ATR: variants seen among roughly 807,000 people sequenced by gnomAD.
The protein encoded by ATR is serine/threonine-protein kinase ATR.
A neutral mutation model predicts 305.3 loss-of-function variants in ATR; 142 were observed. The ratio of observed to expected loss-of-function variants is 0.47; its 90% CI spans 0.41 to 0.53. ATR has a LOEUF of 0.53. Among genes scored for constraint, ATR ranks in the 20% least tolerant of loss-of-function variants. The pLI is 0.00. For missense variants in ATR, 2,135 were observed against 3,133.1 expected (o/e 0.68, Z 7.60); for synonymous variants, 1,050 against 1,068.1 (o/e 0.98, Z 0.33).
rs982977529 is a variant in ATR at position 142,485,092 on chromosome 3, A to G, written c.6221+48T>C. The stretch of plus-strand genomic sequence containing the variant: ...ATGTGATAACAGTTTCAATATTAAT[A>G]GTCATCCTTACATATTTAATCTGCA... On this transcript the variant is annotated intron_variant, in intron 36 of 46. Coordinates refer to ENST00000350721, the MANE Select transcript of ATR (RefSeq NM_001184.4). 3 of 1,605,352 alleles carry G rather than the reference A, an allele frequency of 1.9e-6. No individual in the cohort carries two copies. The Admixed American group carries it at 5.0e-5, about 27-fold the overall frequency.
intron 21 of ATR, among the ~76,000 whole-genome samples, chr3:142,528,093 T>C (rs2033472503): frequency 6.6e-6 from 1 of 152,226 alleles, no homozygotes; most frequent in Admixed American, 6.5e-5. Context: ...ATTCAGTTTG[T>C]AGTACTTTGT....
intron 35 of ATR, among the ~76,000 whole-genome samples, chr3:142,491,797 T>C (rs905053193): frequency 2.6e-5 from 4 of 152,222 alleles, no homozygotes; most frequent in African/African-American, 7.2e-5. Context: ...CTTTGGCTGT[T>C]GGTCCCATTT....
At chr3:142,534,765 A>C (rs2033792292) in intron 21 of ATR, among the ~76,000 whole-genome samples, 1 of 152,210 alleles carries the variant, frequency 6.6e-6, no homozygotes, top group African/African-American at 2.4e-5. Flanking sequence ...TATCCATAGG[A>C]AATATGTGAG....
At chr3:142,578,385 G>C (rs1032849505) in intron 1 of ATR, among the ~76,000 whole-genome samples, 3 of 152,222 alleles carry the variant, frequency 2.0e-5, no homozygotes, top group African/African-American at 7.2e-5. Flanking sequence ...TCTCGATCGG[G>C]GTGAGTGGTA....
chr3:142,518,875 CG>C (rs1281293994), intron 24 of ATR, among the ~76,000 whole-genome samples: 1 of 151,854 alleles, frequency 6.6e-6, no homozygotes, highest in Non-Finnish European at 1.5e-5. Context: ...TTGCATATTT[CG>C]TCAGTCCTAA....
intron 17 of ATR, among the ~76,000 whole-genome samples, chr3:142,541,328 T>TATAATGC (rs2034045785): frequency 6.6e-6 from 1 of 152,182 alleles, no homozygotes; most frequent in African/African-American, 2.4e-5. Context: ...TTATTAAAGG[T>TATAATGC]ATAATGCATA....
intron 1 of ATR, among the ~76,000 whole-genome samples, chr3:142,568,647 C>G (rs756500367): frequency 6.6e-6 from 1 of 152,202 alleles, no homozygotes; most frequent in Non-Finnish European, 1.5e-5. Context: ...GCCGCCCAAC[C>G]ACGGCTGCAA....
At chr3:142,471,104 G>T (rs944235030) in intron 36 of ATR, among the ~76,000 whole-genome samples, 1 of 151,800 alleles carries the variant, frequency 6.6e-6, no homozygotes, top group Non-Finnish European at 1.5e-5. Context: ...GTAACTTCCC[G>T]TCTCCTTCCC....
chr3:142,496,555 C>T (rs1291080137), intron 33 of ATR, 35 bp from the exon 34 acceptor site: 3 of 1,591,364 alleles, frequency 1.9e-6, no homozygotes, highest in East Asian at 2.3e-5. Flanking sequence ...TGAGAGAGAC[C>T]ATTGGTAAGT....
intron 45 of ATR, among the ~76,000 whole-genome samples, chr3:142,456,643 A>G (rs778831707): frequency 1.3e-5 from 2 of 152,204 alleles, no homozygotes; most frequent in Non-Finnish European, 2.9e-5. Context: ...CATTTGTCCA[A>G]AGATGATCTA....
chr3:142,483,140 G>C, intron 36 of ATR, among the ~76,000 whole-genome samples: 1 of 150,408 alleles, frequency 6.6e-6, no homozygotes, highest in Non-Finnish European at 1.5e-5. Flanking sequence ...AAAGTAGCTA[G>C]GACTACAGGC....
At chr3:142,561,455 C>A (rs2034876091) in intron 4 of ATR, 34 bp from the exon 5 acceptor site, 7 of 1,560,464 alleles carry the variant, frequency 4.5e-6, no homozygotes, top group Non-Finnish European at 6.1e-6. Flanking sequence ...CAGAAATATT[C>A]CTTAGAAAAT....
chr3:142,562,585 A>T lies in ATR; in HGVS notation c.817T>A (p.Phe273Ile). The T allele has an allele frequency of 6.2e-7, 1 of 1,614,048 alleles. No homozygotes were observed. ...ACAAGGTGTTTTAATAATTCCAAAAATGAGCTGAAAAAAGTGCTAGCTGGT... is the reference window on the plus strand; with the variant it reads ...ACAAGGTGTTTTAATAATTCCAAAATTGAGCTGAAAAAAGTGCTAGCTGGT... ...AQPASTFFSSFLELLKHLVEM... is the reference protein window; with the variant it reads ...AQPASTFFSSILELLKHLVEM... Residue 273 changes from phenylalanine (F) to isoleucine (I), a missense_variant, in exon 4 of 47, where the codon TTT becomes ATT. Around this residue, in one of 9 missense-constraint regions of ATR, gnomAD observed 744 missense variants for 873.2 expected, o/e 0.85. Coordinates refer to ENST00000350721, the MANE Select transcript of ATR (RefSeq NM_001184.4).
intron 21 of ATR, among the ~76,000 whole-genome samples, chr3:142,533,477 C>G (rs1004889570): frequency 6.6e-6 from 1 of 152,252 alleles, no homozygotes; most frequent in African/African-American, 2.4e-5. Flanking sequence ...TATTGGAAGT[C>G]TTAATTCAAT....
chr3:142,540,055 G>T (rs2033994279), intron 18 of ATR, among the ~76,000 whole-genome samples: 1 of 152,218 alleles, frequency 6.6e-6, no homozygotes, highest in South Asian at 2.1e-4. Flanking sequence ...CACCTATGAG[G>T]TATGTTATCA....
chr3:142,570,225 C>T (rs545693830), intron 1 of ATR, among the ~76,000 whole-genome samples: 3 of 152,098 alleles, frequency 2.0e-5, no homozygotes, highest in Non-Finnish European at 4.4e-5. Context: ...CATGGGTTGC[C>T]TTTTCACTCT....
At chr3:142,577,418 C>A (rs2035475484) in intron 1 of ATR, among the ~76,000 whole-genome samples, 2 of 152,184 alleles carry the variant, frequency 1.3e-5, no homozygotes, top group Admixed American at 1.3e-4. Flanking sequence ...CAACTTCCTA[C>A]AATGATCACT....
chr3:142,515,652 C>A, intron 24 of ATR, 137 bp from the exon 25 acceptor site: 2 of 973,772 alleles, frequency 2.1e-6, no homozygotes, highest in Non-Finnish European at 3.1e-6. Context: ...TTTCCAGTAT[C>A]CTTCTTAGGG....
intron 19 of ATR, among the ~76,000 whole-genome samples, chr3:142,537,092 A>T (rs1302013222): frequency 6.6e-6 from 1 of 152,192 alleles, no homozygotes; most frequent in East Asian, 1.9e-4. Flanking sequence ...GGGATGGAAC[A>T]ATAAACAAAG....
Sources: allele counts gnomAD v4.1 joint callset (sites outside exome capture counted in the v4.1 genomes callset), GRCh38; gene constraint gnomAD v4.1.1; regional missense constraint gnomAD v4.1.1; transcripts MANE v1.5; gene names NCBI Gene and HGNC (gene_info 2026-07-23, HGNC 2026-07-21).